The following VRK2 variants were observed in gnomAD, a reference collection of about 807,000 sequenced individuals.
The protein encoded by VRK2 is serine/threonine-protein kinase VRK2.
In VRK2, 60 loss-of-function variants were observed where a neutral mutation model predicts 57.6. The ratio of observed to expected loss-of-function variants is 1.04; its 90% confidence interval spans 0.85 to 1.29. VRK2 has a LOEUF of 1.29. Ranked by LOEUF, VRK2 falls within the 50% of genes most tolerant of loss-of-function variation. The pLI, the probability that VRK2 is intolerant of heterozygous loss-of-function variation, is 0.00. For missense variants in VRK2, 705 were observed against 588.1 expected, an observed-to-expected ratio of 1.20 and a Z score of -2.06; for synonymous variants, 231 against 199.2, an observed-to-expected ratio of 1.16 and a Z score of -1.35.
chr2:58,016,841 G>A (rs970894169), intron 1 of VRK2, among the ~76,000 whole-genome samples: 8 of 152,008 alleles, frequency 5.3e-5, no homozygotes, highest in African/African-American at 1.9e-4. Context: ...AAAGACATTT[G>A]CTTTACCTCC....
chr2:58,052,584 C>T (rs567444393), intron 2 of VRK2, among the ~76,000 whole-genome samples: 20 of 136,534 alleles, frequency 1.5e-4, no homozygotes, highest in South Asian at 4.5e-4. Flanking sequence ...GCTTAGGTGA[C>T]GGAGTGAGAC....
intron 8 of VRK2, among the ~76,000 whole-genome samples, chr2:58,125,427 T>C (rs776975562): frequency 7.2e-5 from 11 of 152,136 alleles, no homozygotes; most frequent in Non-Finnish European, 1.5e-4. Context: ...ATGTTGAATA[T>C]GTTGGTAAGA....
At chr2:57,908,543 A>G (rs914025057) in intron 1 of VRK2, among the ~76,000 whole-genome samples, 3 of 152,146 alleles carry the variant, frequency 2.0e-5, no homozygotes, top group Non-Finnish European at 4.4e-5. Context: ...GAGCTCCATC[A>G]TTTCTGAATG....
chr2:57,981,292 A>G (rs983594834), intron 1 of VRK2, among the ~76,000 whole-genome samples: 3 of 152,126 alleles, frequency 2.0e-5, no homozygotes, highest in Non-Finnish European at 4.4e-5. Context: ...TCTTTCACTT[A>G]TGAAGCTTAG....
At chr2:58,145,617 T>G (rs1681991573) in intron 11 of VRK2, among the ~76,000 whole-genome samples, 1 of 152,008 alleles carries the variant, frequency 6.6e-6, no homozygotes. Flanking sequence ...GACACTAATT[T>G]TATTTTTTAT....
intron 1 of VRK2, among the ~76,000 whole-genome samples, chr2:58,004,085 A>C (rs1324741153): frequency 6.6e-6 from 1 of 152,130 alleles, no homozygotes; most frequent in African/African-American, 2.4e-5. Context: ...CCTGTGTTTA[A>C]TAGTAAGAAT....
intron 1 of VRK2, among the ~76,000 whole-genome samples, chr2:58,024,648 C>A (rs907178488): frequency 1.3e-5 from 2 of 152,186 alleles, no homozygotes; most frequent in African/African-American, 4.8e-5. Context: ...GCCAGCCTAT[C>A]CACAGATCCA....
chr2:58,104,448 C>G (rs1345772036), intron 7 of VRK2, among the ~76,000 whole-genome samples: 1 of 149,196 alleles, frequency 6.7e-6, no homozygotes, highest in African/African-American at 2.6e-5. Context: ...ATCGAAAAGG[C>G]AATTTTATTT....
chr2:57,972,496 T>C (rs896853067), intron 1 of VRK2, among the ~76,000 whole-genome samples: 11 of 151,866 alleles, frequency 7.2e-5, no homozygotes, highest in Admixed American at 3.9e-4. Context: ...TTTTGGTCTT[T>C]AGCATATAAC....
intron 1 of VRK2, 60 bp downstream of exon 1, chr2:58,046,928 G>A (rs2103747836): frequency 1.0e-6 from 1 of 985,564 alleles, no homozygotes; most frequent in African/African-American, 1.7e-5. Context: ...CAGTGCCGGA[G>A]CCGCGGCCCC....
rs912471557 is a variant in VRK2, at chr2:58,133,255, A to G, written c.797+1327A>G. Among the ~76,000 whole-genome samples, 5 of 152,220 alleles carry G rather than the reference A, an allele frequency of 3.3e-5. No individual in the cohort carries two copies. In the East Asian group the frequency reaches 9.7e-4, roughly 29 times the overall value. On this transcript the variant is annotated intron_variant, in intron 9 of 12. Coordinates refer to ENST00000340157, the MANE Select transcript of VRK2 (RefSeq NM_006296.7). ...TTATAATAGGATGTCATATAAAATT[A>G]TTATTTTACATGTATAATGCTAATA...
At chr2:58,028,862 G>T in intron 2 of VRK2, among the ~76,000 whole-genome samples, 1 of 133,410 alleles carries the variant, frequency 7.5e-6, no homozygotes, top group Non-Finnish European at 1.6e-5. Context: ...TTGTGCACAT[G>T]TACCCTAGAA....
chr2:58,059,233 G>A (rs2043889), intron 2 of VRK2, among the ~76,000 whole-genome samples: 14 of 152,000 alleles, frequency 9.2e-5, no homozygotes, highest in Admixed American at 6.6e-4. Flanking sequence ...AAAAAATTGC[G>A]AATAGTCATC....
In VRK2 at chr2:57,958,425, G is replaced by GTATATATACA. The variant is rs1558512518; in HGVS notation, c.-439+50587_-439+50588insATATATACAT. On this transcript the variant is annotated intron_variant, in intron 1 of 15. Transcript: ENST00000417641. The stretch of plus-strand genomic sequence containing the variant: ...TATGTGTGTATGTGTGTGTGTGTGT[G>GTATATATACA]TGTATATACATGTATATATATTTGT... 2.1e-4 allele frequency among the ~76,000 whole-genome samples: 32 copies of GTATATATACA among 150,314 alleles called. No individual in the cohort carries two copies. In the East Asian group the frequency reaches 5.8e-3, roughly 27 times the overall value.
chr2:57,925,087 T>A (rs1413212662), intron 1 of VRK2, among the ~76,000 whole-genome samples: 1 of 152,114 alleles, frequency 6.6e-6, no homozygotes, highest in Non-Finnish European at 1.5e-5. Flanking sequence ...GTGATCTTTT[T>A]AATGTGTTGT....
intron 7 of VRK2, among the ~76,000 whole-genome samples, chr2:58,102,124 T>C (rs1674058604): frequency 6.6e-6 from 1 of 151,602 alleles, no homozygotes; most frequent in Admixed American, 6.6e-5. Context: ...ATTATGATTA[T>C]TTCCTTGCAG....
chr2:57,908,245 C>T (rs1379550154), intron 1 of VRK2, among the ~76,000 whole-genome samples: 1 of 152,210 alleles, frequency 6.6e-6, no homozygotes, highest in Non-Finnish European at 1.5e-5. Context: ...GATGACCACA[C>T]ATCACGTATG....
chr2:57,967,352 A>G (rs1671954342), intron 1 of VRK2, among the ~76,000 whole-genome samples: 1 of 151,998 alleles, frequency 6.6e-6, no homozygotes, highest in South Asian at 2.1e-4. Flanking sequence ...CTGCACATGT[A>G]CCCCAGAACT....
At chr2:57,911,525 C>T (rs1159180769) in intron 1 of VRK2, among the ~76,000 whole-genome samples, 1 of 152,166 alleles carries the variant, frequency 6.6e-6, no homozygotes, top group African/African-American at 2.4e-5. Context: ...AAGGAATCTA[C>T]TTTGTAACTA....
Sources: gnomAD v4.1 joint callset for allele counts (sites outside exome capture counted in the v4.1 genomes callset) on GRCh38, gnomAD v4.1.1 for gene constraint, MANE v1.5 for transcripts, NCBI Gene and HGNC (gene_info 2026-07-23, HGNC 2026-07-21) for gene names.